Variants in PPP1R9A observed in about 807,000 individuals in gnomAD.
The protein encoded by PPP1R9A is neurabin-1.
Under a neutral mutation model 141.9 loss-of-function variants are expected in PPP1R9A, and 59 were observed. The ratio of observed to expected loss-of-function variants is 0.42; its 90% confidence interval spans 0.34 to 0.52. The LOEUF (loss-of-function observed/expected upper bound fraction) is 0.52, where lower values mean the gene tolerates loss of function less well. PPP1R9A is among the 20% of genes least tolerant of loss of function. The pLI, the probability that PPP1R9A is intolerant of heterozygous loss-of-function variation, is 0.10. For synonymous variants in PPP1R9A, 500 were observed against 569.7 expected, an observed-to-expected ratio of 0.88 and a Z score of 1.74; for missense variants, 1,444 against 1,611.9, an observed-to-expected ratio of 0.90 and a Z score of 1.78.
chr7:95,251,720 T>G, intron 10 of PPP1R9A, 42 bp from the exon 11 acceptor site: 1 of 1,544,932 alleles, frequency 6.5e-7, no homozygotes, highest in Non-Finnish European at 8.8e-7. Flanking sequence ...CTTTCATTTA[T>G]TGAGTGTATG....
intron 4 of PPP1R9A, chr7:95,154,572 T>G (rs1181709466): frequency 6.6e-6 from 1 of 152,138 alleles, no homozygotes; most frequent in Non-Finnish European, 1.5e-5. Context: ...CTTTAGATAT[T>G]ACTATAGATT....
chr7:94,982,152 A>G (rs1381515571), intron 2 of PPP1R9A, among the ~76,000 whole-genome samples: 2 of 152,070 alleles, frequency 1.3e-5, no homozygotes, highest in East Asian at 3.9e-4. Context: ...AAGGACATGA[A>G]CTCATCATTT....
chr7:95,113,816 A>T (rs1191133945), intron 3 of PPP1R9A, among the ~76,000 whole-genome samples: 1 of 152,222 alleles, frequency 6.6e-6, no homozygotes, highest in Non-Finnish European at 1.5e-5. Flanking sequence ...AACAAAGAGC[A>T]GCTTGTTCAA....
intron 12 of PPP1R9A, among the ~76,000 whole-genome samples, chr7:95,254,785 A>T (rs1799355116): frequency 1.3e-5 from 2 of 152,200 alleles, no homozygotes; most frequent in South Asian, 4.1e-4. Flanking sequence ...TTCCAAAATG[A>T]TGTGACTCTT....
intron 2 of PPP1R9A, among the ~76,000 whole-genome samples, chr7:94,984,328 G>T (rs1332704748): frequency 1.3e-5 from 2 of 152,144 alleles, no homozygotes; most frequent in Non-Finnish European, 1.5e-5. Context: ...TTTGGTATCA[G>T]GGTGATGTTT....
intron 2 of PPP1R9A, among the ~76,000 whole-genome samples, chr7:95,096,575 T>G (rs1818048364): frequency 6.6e-6 from 1 of 152,178 alleles, no homozygotes; most frequent in Non-Finnish European, 1.5e-5. Context: ...GTGCTGGTTC[T>G]CTCTAATCTT....
chr7:95,041,224 A>G (rs1809183147), intron 2 of PPP1R9A, among the ~76,000 whole-genome samples: 2 of 152,202 alleles, frequency 1.3e-5, no homozygotes, highest in South Asian at 4.1e-4. Flanking sequence ...GACATACATT[A>G]GTAGACGAAT....
At chr7:95,088,261 C>G (rs1816894418) in intron 2 of PPP1R9A, among the ~76,000 whole-genome samples, 1 of 151,854 alleles carries the variant, frequency 6.6e-6, no homozygotes, top group African/African-American at 2.4e-5. Context: ...CATTCATCAC[C>G]TGGGAGAAGA....
intron 2 of PPP1R9A, among the ~76,000 whole-genome samples, chr7:95,031,622 G>A (rs1223823756): frequency 6.6e-6 from 1 of 151,980 alleles, no homozygotes; most frequent in African/African-American, 2.4e-5. Flanking sequence ...TAGGCCTGAT[G>A]GTGTACACCT....
At chr7:95,116,464 G>A (rs1006503115) in intron 3 of PPP1R9A, among the ~76,000 whole-genome samples, 1 of 151,810 alleles carries the variant, frequency 6.6e-6, no homozygotes, top group Admixed American at 6.6e-5. Flanking sequence ...ATGAAAATGG[G>A]AAAAATATTT....
chr7:95,050,137 T>A (rs979787253), intron 2 of PPP1R9A, among the ~76,000 whole-genome samples: 5 of 152,224 alleles, frequency 3.3e-5, no homozygotes, highest in Non-Finnish European at 4.4e-5. Context: ...TATCACGTCC[T>A]TAGCAGCATT....
rs201781185 is a variant in PPP1R9A at position 95,226,025 on chromosome 7, T to A, written c.2021T>A (p.Met674Lys). 6.2e-7 allele frequency: 1 copy of A among 1,613,622 alleles called. No homozygotes were observed. The highest frequency in any genetic ancestry group is 8.5e-7 in the Non-Finnish European group (1 of 1,179,670). ...EVGPVLPGSD[M>K]AIEVFELPEN... Reference sequence around the variant, plus strand: ...GGACCTGTCCTTCCTGGCAGCGACATGGCCATTGAAGTCTTTGAGCTGCCT... The same window carrying A: ...GGACCTGTCCTTCCTGGCAGCGACAAGGCCATTGAAGTCTTTGAGCTGCCT... Residue 674 changes from methionine to lysine, a missense_variant, in exon 8 of 20, where the codon ATG becomes AAG. Physicochemically the swap from Met to Lys is moderately conservative, Grantham distance 95. This residue lies in a region of PPP1R9A where 488 missense variants were observed against 542.0 expected (regional missense o/e 0.90). Transcript: ENST00000433360.
chr7:95,198,814 C>G (rs1403529540), intron 6 of PPP1R9A, among the ~76,000 whole-genome samples: 3 of 152,150 alleles, frequency 2.0e-5, no homozygotes, highest in Non-Finnish European at 2.9e-5. Context: ...GTGATTTTCT[C>G]TCTCTGCTTT....
At chr7:95,110,811 G>A (rs1305062575) in intron 2 of PPP1R9A, among the ~76,000 whole-genome samples, 1 of 152,168 alleles carries the variant, frequency 6.6e-6, no homozygotes, top group African/African-American at 2.4e-5. Flanking sequence ...GTGATCTTAT[G>A]ATTGAGACAG....
chr7:94,959,120 G>T (rs1797355646), intron 2 of PPP1R9A, among the ~76,000 whole-genome samples: 1 of 151,830 alleles, frequency 6.6e-6, no homozygotes, highest in South Asian at 2.1e-4. Context: ...ATTTCATTTT[G>T]CCTATGGAAA....
At chr7:95,166,831 A>T (rs1040523880) in intron 5 of PPP1R9A, among the ~76,000 whole-genome samples, 2 of 152,272 alleles carry the variant, frequency 1.3e-5, no homozygotes, top group Non-Finnish European at 2.9e-5. Flanking sequence ...AGTGGGATTT[A>T]TCCCAGGGAT....
At chr7:95,274,219 GC>G in intron 16 of PPP1R9A, 51 bp downstream of exon 16, 1 of 1,437,766 alleles carries the variant, frequency 7.0e-7, no homozygotes, top group Non-Finnish European at 9.4e-7. Flanking sequence ...AAACTTTCTG[GC>G]CCCCTCTTCT....
intron 8 of PPP1R9A, among the ~76,000 whole-genome samples, chr7:95,229,285 G>T (rs898899256): frequency 2.6e-5 from 4 of 151,978 alleles, no homozygotes; most frequent in African/African-American, 9.7e-5. Flanking sequence ...GAAGGAACTG[G>T]ATCACCGCTG....
At chr7:95,287,207 G>A (rs2115918834) in intron 18 of PPP1R9A, 1 of 1,531,386 alleles carries the variant, frequency 6.5e-7, no homozygotes, top group African/African-American at 1.4e-5. Context: ...CTTTGGAGAT[G>A]ACTGAAAAAT....
Sources: gnomAD v4.1 joint callset for allele counts (sites outside exome capture counted in the v4.1 genomes callset) on GRCh38, gnomAD v4.1.1 for gene constraint, gnomAD v4.1.1 regional missense constraint, MANE v1.5 for transcripts, NCBI Gene and HGNC (gene_info 2026-07-23, HGNC 2026-07-21) for gene names.